UQCC1: variants seen among roughly 807,000 people sequenced by gnomAD.
The protein encoded by UQCC1 is ubiquinol-cytochrome c reductase complex assembly factor 1.
Under a neutral mutation model 48.0 loss-of-function variants are expected in UQCC1, and 38 were observed. The observed-to-expected ratio is 0.79, with a 90% CI of 0.61 to 1.04. UQCC1 has a LOEUF of 1.04. Ranked by LOEUF, UQCC1 falls within the 50% of genes least tolerant of loss-of-function variation. The pLI is 0.00. For missense variants in UQCC1, 368 were observed against 381.8 expected (o/e 0.96, Z 0.30); for synonymous variants, 111 against 129.2 (o/e 0.86, Z 0.95).
intron 3 of UQCC1, among the ~76,000 whole-genome samples, chr20:35,383,312 A>G (rs768381130): frequency 3.9e-5 from 6 of 152,224 alleles, no homozygotes; most frequent in Non-Finnish European, 7.4e-5. Context: ...ATATCACTTT[A>G]TTTTTAACAT....
chr20:35,334,105 G>A (rs1040965776), intron 7 of UQCC1, among the ~76,000 whole-genome samples: 1 of 152,076 alleles, frequency 6.6e-6, no homozygotes, highest in African/African-American at 2.4e-5. Flanking sequence ...CCCTTAGAGC[G>A]ACAAGAAGGC....
At chr20:35,382,056 T>C in intron 3 of UQCC1, 31 bp from the exon 4 acceptor site, 1 of 1,459,044 alleles carries the variant, frequency 6.9e-7, no homozygotes, top group Non-Finnish European at 9.4e-7. Flanking sequence ...AAACTAAAAT[T>C]AGTTGCAAAA....
chr20:35,409,164 T>C (rs2062300848), intron 1 of UQCC1, among the ~76,000 whole-genome samples: 1 of 152,156 alleles, frequency 6.6e-6, no homozygotes, highest in Non-Finnish European at 1.5e-5. Context: ...CACAGAACTG[T>C]ACACTTAAAA....
intron 2 of UQCC1, among the ~76,000 whole-genome samples, chr20:35,389,410 A>G (rs1052542101): frequency 1.3e-5 from 2 of 152,062 alleles, no homozygotes; most frequent in Non-Finnish European, 2.9e-5. Flanking sequence ...TAAAAATACA[A>G]AAATTAGCTG....
intron 2 of UQCC1, among the ~76,000 whole-genome samples, chr20:35,391,610 G>A (rs2062015015): frequency 6.8e-6 from 1 of 146,228 alleles, no homozygotes; most frequent in Non-Finnish European, 1.5e-5. Flanking sequence ...ATCCACCCTG[G>A]ACGACAGAGT....
intron 8 of UQCC1, among the ~76,000 whole-genome samples, chr20:35,312,284 G>A (rs2146302695): frequency 6.6e-6 from 1 of 152,268 alleles, no homozygotes; most frequent in South Asian, 2.1e-4. Flanking sequence ...TTAATGATGT[G>A]TATAGTATGC....
chr20:35,393,360 A>G (rs2062033817), intron 2 of UQCC1, among the ~76,000 whole-genome samples: 1 of 152,180 alleles, frequency 6.6e-6, no homozygotes, highest in Admixed American at 6.6e-5. Context: ...TTTTAATTAC[A>G]AAGTCTATCA....
intron 1 of UQCC1, among the ~76,000 whole-genome samples, chr20:35,402,799 T>G (rs2062187111): frequency 6.9e-6 from 1 of 145,528 alleles, no homozygotes; most frequent in South Asian, 2.2e-4. Flanking sequence ...TCTCAAACAA[T>G]AACAAAAAAT....
intron 7 of UQCC1, among the ~76,000 whole-genome samples, chr20:35,341,418 A>C (rs1340947509): frequency 1.3e-5 from 2 of 152,076 alleles, no homozygotes; most frequent in South Asian, 4.2e-4. Context: ...ACAGCAAACA[A>C]ATATCCTCAG....
intron 6 of UQCC1, among the ~76,000 whole-genome samples, chr20:35,349,680 T>A (rs1364524295): frequency 6.6e-6 from 1 of 152,156 alleles, no homozygotes; most frequent in Admixed American, 6.6e-5. Context: ...TTAAACATTG[T>A]AGAAAAGCAA....
intron 7 of UQCC1, among the ~76,000 whole-genome samples, chr20:35,337,191 CT>C (rs762321477): frequency 0.015 from 2,210 of 142,968 alleles, 27 homozygotes; most frequent in African/African-American, 0.042. Context: ...AGCTAGCATT[CT>C]TTTTTTTTTT....
chr20:35,394,073 A>G lies in UQCC1; in HGVS notation c.129+19T>C. The G allele has an allele frequency of 6.2e-7, 1 of 1,606,366 alleles. No homozygotes were observed. The highest frequency in any genetic ancestry group is 8.5e-7 in the Non-Finnish European group (1 of 1,173,050). On this transcript the variant is annotated intron_variant, in intron 2 of 9. Transcript: ENST00000374385. ...AACACTAAGGTTTTCATACTAAGCA[A>G]AAGAACAACAAATCTTACCTGGGAA...
chr20:35,352,060 A>C (rs1381805265), intron 6 of UQCC1, among the ~76,000 whole-genome samples: 3 of 152,280 alleles, frequency 2.0e-5, no homozygotes, highest in Non-Finnish European at 4.4e-5. Flanking sequence ...TCCCAAGAGA[A>C]GAGTGCAATG....
chr20:35,312,807 C>A (rs1230073818), intron 8 of UQCC1, among the ~76,000 whole-genome samples: 1 of 152,050 alleles, frequency 6.6e-6, no homozygotes, highest in Non-Finnish European at 1.5e-5. Context: ...CACAAAAGGT[C>A]AAAAATTGTG....
intron 1 of UQCC1, among the ~76,000 whole-genome samples, chr20:35,397,961 C>T (rs1332439452): frequency 2.0e-5 from 3 of 152,202 alleles, no homozygotes; most frequent in Admixed American, 6.5e-5. Flanking sequence ...TGGTACTTTA[C>T]ATATATGAAC....
chr20:35,321,629 T>C (rs1358289417), intron 7 of UQCC1, among the ~76,000 whole-genome samples: 1 of 152,134 alleles, frequency 6.6e-6, no homozygotes, highest in Non-Finnish European at 1.5e-5. Flanking sequence ...CCAAGGCAGG[T>C]GGATCACTTG....
chr20:35,315,580 G>C (rs1201278706), intron 7 of UQCC1: 1 of 152,358 alleles, frequency 6.6e-6, no homozygotes, highest in Non-Finnish European at 1.5e-5. Context: ...TCTGAAGCAA[G>C]AAGAATGTTA....
chr20:35,342,438 C>T (rs924831947), intron 7 of UQCC1, among the ~76,000 whole-genome samples: 5 of 152,172 alleles, frequency 3.3e-5, no homozygotes, highest in Non-Finnish European at 4.4e-5. Flanking sequence ...TTAAGTAAAG[C>T]GCCCTGGTTA....
At chr20:35,408,923 A>C (rs953172283) in intron 1 of UQCC1, among the ~76,000 whole-genome samples, 1 of 152,194 alleles carries the variant, frequency 6.6e-6, no homozygotes, top group Non-Finnish European at 1.5e-5. Flanking sequence ...CATTACGCTA[A>C]ATGAAATAAG....
Sources: gnomAD v4.1 joint callset for allele counts (sites outside exome capture counted in the v4.1 genomes callset) on GRCh38, gnomAD v4.1.1 for gene constraint, MANE v1.5 for transcripts, NCBI Gene and HGNC (gene_info 2026-07-23, HGNC 2026-07-21) for gene names.